SPEG: variants seen among roughly 807,000 people sequenced by gnomAD.
SPEG encodes striated muscle preferentially expressed protein kinase.
In SPEG, 114 loss-of-function variants were observed where a neutral mutation model predicts 300.4. That is an observed-to-expected ratio of 0.38 (90% CI 0.33 to 0.44). SPEG has a LOEUF of 0.44. Among genes scored for constraint, SPEG ranks in the 20% least tolerant of loss-of-function variants. SPEG has a pLI of 1.00. For synonymous variants in SPEG, 1,964 were observed against 2,018.9 expected, an observed-to-expected ratio of 0.97 and a Z score of 0.73; for missense variants, 4,201 against 4,586.2, an observed-to-expected ratio of 0.92 and a Z score of 2.43.
At chr2:219,453,426 G>A (rs1689924366) in intron 6 of SPEG, among the ~76,000 whole-genome samples, 1 of 152,236 alleles carries the variant, frequency 6.6e-6, no homozygotes. Flanking sequence ...TTAGTTGTTA[G>A]CGTTATTAAC....
rs777646411 is a variant in SPEG, at chr2:219,490,582, C to A, written c.9095C>A (p.Pro3032His). The change falls in exon 37 of 41, where the codon CCT becomes CAT. Residue 3032 changes from proline (P) to histidine (H), a missense_variant. Transcript: ENST00000312358. ...IMSLHEAYIT[P>H]RYLVLIAESC... The stretch of plus-strand genomic sequence containing the variant: ...TCCCTGCACGAGGCCTACATCACCC[C>A]TCGGTACCTCGTGCTCATTGCTGAG... The A allele has an allele frequency of 6.2e-7, 1 of 1,614,030 alleles. No homozygotes were observed. Among genetic ancestry groups the A allele is most frequent in the Non-Finnish European group, 8.5e-7 (1 of 1,179,908 alleles).
At position 219,481,344 on chromosome 2, in the gene SPEG, A is replaced by G; in HGVS notation, c.5410A>G (p.Thr1804Ala). 2.5e-6 allele frequency: 4 copies of G among 1,614,124 alleles called. No individual in the cohort carries two copies. Among genetic ancestry groups the G allele is most frequent in the Middle Eastern group, 1.6e-4 (1 of 6,062 alleles). The change falls in exon 27 of 41, where the codon ACA (threonine) becomes GCA (alanine). Residue 1804 changes from threonine to alanine, a missense_variant. Thr to Ala is a moderately conservative substitution (Grantham distance 58). Around this residue, in one of 4 missense-constraint regions of SPEG, gnomAD observed 1,047 missense variants for 1,356.8 expected, o/e 0.77. Transcript: ENST00000312358. This position sits in a 1 kb window ranked among gnomAD's most constrained non-coding sequence, Gnocchi z 5.4. ...CCCGTTTGTTGGGGAAAATGACCGG[A>G]CAACATTGATGAACATCCGAAACTA... Reference protein sequence around the residue: ...ISPFVGENDRTTLMNIRNYNV... With the variant: ...ISPFVGENDRATLMNIRNYNV...
In SPEG at chr2:219,439,997, G is replaced by A. The variant is rs1326120450; in HGVS notation, c.388+4632G>A. ...GTGCCCTCTCAGCACACGTCCCTGT[G>A]CATGTGTCTGTACTTGTAATTTGCT... On this transcript the variant is annotated intron_variant, in intron 1 of 40. Coordinates refer to ENST00000312358, the MANE Select transcript of SPEG (RefSeq NM_005876.5). This position sits in a 1 kb window ranked among gnomAD's most constrained non-coding sequence, Gnocchi z 4.5. Among the ~76,000 whole-genome samples, 2 of 152,164 alleles carry A rather than the reference G, an allele frequency of 1.3e-5. No individual in the cohort carries two copies. Among genetic ancestry groups the A allele is most frequent in the African/African-American group, 2.4e-5 (1 of 41,424 alleles).
Position 219,443,962 on chromosome 2 carries a change from C to T in SPEG, c.389-691C>T, listed in dbSNP as rs1368592013. Reference sequence around the variant, plus strand: ...CTTCTGTCTTGACTGCCCTCCATGCCCTGCCCCACAAACGCTCTGATAACA... The same window carrying T: ...CTTCTGTCTTGACTGCCCTCCATGCTCTGCCCCACAAACGCTCTGATAACA... On this transcript the variant is annotated intron_variant, in intron 1 of 40. Transcript: ENST00000312358. The surrounding 1 kb of genome is among the most constrained non-coding windows in gnomAD (Gnocchi z 4.6). The T allele has an allele frequency of 1.5e-6, 2 of 1,308,446 alleles. No individual in the cohort carries two copies. Among genetic ancestry groups the T allele is most frequent in the Non-Finnish European group, 1.0e-6 (1 of 978,924 alleles). 81.1% of individuals were successfully genotyped at this position (1,308,446 alleles called of 1,614,324 possible).
chr2:219,482,754 TC>T (rs1327749990), intron 28 of SPEG, 29 bp from the exon 29 acceptor site: 1 of 1,610,056 alleles, frequency 6.2e-7, no homozygotes. Context: ...TTGACAGCTT[TC>T]CCTCAAGCCC....
chr2:219,440,476 T>C (rs1019996527), intron 1 of SPEG, among the ~76,000 whole-genome samples: 6 of 149,382 alleles, frequency 4.0e-5, no homozygotes, highest in Non-Finnish European at 8.9e-5. Context: ...ATGAGGGAGG[T>C]GCGCTGAGCT....
In SPEG at chr2:219,488,917, T is replaced by TG; in HGVS notation, c.8149+19dup. 2 of 1,584,660 alleles carry TG rather than the reference T, an allele frequency of 1.3e-6. No homozygotes were observed. The highest frequency in any genetic ancestry group is 1.7e-6 in the Non-Finnish European group (2 of 1,165,608). ...GAGTGGATGGTGAGGATGGGGCAGC[T>TG]GGAGGGTTGGGGGAGCGGCAGGGGG... is the stretch of plus-strand genomic sequence containing the variant. On this transcript the variant is annotated intron_variant, in intron 34 of 40. Transcript: ENST00000312358.
intron 8 of SPEG, 151 bp downstream of exon 8, chr2:219,462,537 C>T (rs958264001): frequency 7.9e-6 from 5 of 632,838 alleles, no homozygotes; most frequent in Non-Finnish European, 1.4e-5. Context: ...AGTGTACTCC[C>T]CCCGGCACCC....
chr2:219,492,541 G>A (rs889576556), intron 40 of SPEG, 53 bp from the exon 41 acceptor site: 9 of 1,572,878 alleles, frequency 5.7e-6, no homozygotes, highest in East Asian at 4.5e-5. Context: ...ACAGAGCCCC[G>A]GCAGCTCCCA....
At chr2:219,436,395 C>T (rs942669394) in intron 1 of SPEG, among the ~76,000 whole-genome samples, 1 of 152,258 alleles carries the variant, frequency 6.6e-6, no homozygotes, top group Non-Finnish European at 1.5e-5. Context: ...GAGCCTTGGG[C>T]AGGCTGCGCC....
rs569803222 is a variant in SPEG at position 219,444,193 on chromosome 2, G to T, written c.389-460G>T. ...GGGTAGAGGACAGGCTGGCCCCGCG[G>T]TTGGTCGAGTGCCCTGGCAGTACGA... On this transcript the variant is annotated intron_variant, in intron 1 of 40. Transcript: ENST00000312358. This position sits in a 1 kb window ranked among gnomAD's most constrained non-coding sequence, Gnocchi z 7.8. 3.5e-6 allele frequency: 2 copies of T among 571,230 alleles called. No homozygotes were observed. Among genetic ancestry groups the T allele is most frequent in the African/African-American group, 3.8e-5 (2 of 52,224 alleles). The allele number at this position is 571,230 out of a possible 1,614,324, so 35.4% of individuals were successfully genotyped here. A position where few individuals can be genotyped will look rare whatever the true frequency, so the allele number is the denominator to read the frequency against.
rs1693173991 is a variant in SPEG at position 219,484,365 on chromosome 2, C to A, written c.6902C>A (p.Pro2301Gln). The A allele has an allele frequency of 6.2e-7, 1 of 1,607,102 alleles. No homozygotes were observed. Among genetic ancestry groups the A allele is most frequent in the Non-Finnish European group, 8.5e-7 (1 of 1,179,238 alleles). Residue 2301 changes from proline to glutamine, a missense_variant, in exon 30 of 41, where the codon CCG becomes CAG. By Grantham distance (76) the Pro-to-Gln change is moderately conservative (BLOSUM62 -1). Coordinates refer to ENST00000312358, the MANE Select transcript of SPEG (RefSeq NM_005876.5). ...CGCGTGCCCTCAGCCGGGGGTCCCC[C>A]GGTGCTAGCCGAGAAAGCCCGAGTT... is the stretch of plus-strand genomic sequence containing the variant. ...EKRVPSAGGP[P>Q]VLAEKARVPT...
In SPEG at chr2:219,484,758, G is replaced by A; in HGVS notation, c.7295G>A (p.Arg2432His). ...CAGCGCCACCCGGCCTGGGAGGCCCGCGGCGGGGACGGAGAGAGCTCGGAG... is the reference window on the plus strand; with the variant it reads ...CAGCGCCACCCGGCCTGGGAGGCCCACGGCGGGGACGGAGAGAGCTCGGAG... Reference protein sequence around the residue: ...PAQRHPAWEARGGDGESSEGG... With the variant: ...PAQRHPAWEAHGGDGESSEGG... The change falls in exon 30 of 41, where the codon CGC (arginine) becomes CAC (histidine). Residue 2432 changes from arginine to histidine, a missense_variant. By Grantham distance (29) the Arg-to-His change is conservative. Coordinates refer to ENST00000312358, the MANE Select transcript of SPEG (RefSeq NM_005876.5). The A allele has an allele frequency of 6.8e-7, 1 of 1,461,886 alleles. No individual in the cohort carries two copies. The highest frequency in any genetic ancestry group is 8.9e-7 in the Non-Finnish European group (1 of 1,118,918). The allele number at this position is 1,461,886 out of a possible 1,614,324, so 90.6% of individuals were successfully genotyped here.
chr2:219,448,079 G>C lies in SPEG; in HGVS notation c.921G>C (p.Ala307=). The C allele has an allele frequency of 1.2e-6, 2 of 1,608,352 alleles. No individual in the cohort carries two copies. Among genetic ancestry groups the C allele is most frequent in the Non-Finnish European group, 1.7e-6 (2 of 1,178,032 alleles). The change falls in exon 4 of 41, where the codon GCG becomes GCC. Residue 307 remains alanine, a synonymous_variant. Coordinates refer to ENST00000312358, the MANE Select transcript of SPEG (RefSeq NM_005876.5). Reference sequence around the variant, plus strand: ...CCCAGCCGCCTCCTTCCAAATCCGCGCTGCTCCCCCCACCGTCCCCTCGGG... The same window carrying C: ...CCCAGCCGCCTCCTTCCAAATCCGCCCTGCTCCCCCCACCGTCCCCTCGGG... ...RPAQPPPSKS[A]LLPPPSPRVG... is the part of the protein sequence containing the mutation.
In SPEG at chr2:219,444,713, G is replaced by C; in HGVS notation, c.449G>C (p.Arg150Pro). 6.2e-7 allele frequency: 1 copy of C among 1,613,990 alleles called. No homozygotes were observed. The highest frequency in any genetic ancestry group is 8.5e-7 in the Non-Finnish European group (1 of 1,179,948). The change falls in exon 2 of 41, where the codon CGG becomes CCG. Residue 150 changes from arginine (R) to proline (P), a missense_variant. Coordinates refer to ENST00000312358, the MANE Select transcript of SPEG (RefSeq NM_005876.5). The surrounding 1 kb of genome is among the most constrained non-coding windows in gnomAD (Gnocchi z 7.8). ...DVQGTQRLEL[R>P]DDGAFSTPTG... is the part of the protein sequence containing the mutation. The stretch of plus-strand genomic sequence containing the variant: ...CAGGGAACCCAGCGCCTGGAGCTTC[G>C]GGATGACGGGGCCTTCAGCACCCCC...
At position 219,472,950 on chromosome 2, in the gene SPEG, C is replaced by T. The variant is rs756162814; in HGVS notation, c.4001C>T (p.Ala1334Val). The change falls in exon 16 of 41, where the codon GCA (alanine) becomes GTA (valine). Residue 1334 changes from alanine (A) to valine (V), a missense_variant. Transcript: ENST00000312358. Reference sequence around the variant, plus strand: ...GTGCTGGGCTCGGACCAGTGGACGGCACTGGTCACAGGCCTGCGGGAGCCA... The same window carrying T: ...GTGCTGGGCTCGGACCAGTGGACGGTACTGGTCACAGGCCTGCGGGAGCCA... ...HQVLGSDQWT[A>V]LVTGLREPGW... The T allele has an allele frequency of 6.8e-6, 11 of 1,613,638 alleles. No homozygotes were observed. Among genetic ancestry groups the T allele is most frequent in the South Asian group, 6.6e-5 (6 of 91,070 alleles).
At position 219,483,390 on chromosome 2, in the gene SPEG, A is replaced by T; in HGVS notation, c.5927A>T (p.Gln1976Leu). Residue 1976 changes from glutamine (Q) to leucine (L), a missense_variant, in exon 30 of 41, where the codon CAG becomes CTG. Around this residue, in one of 4 missense-constraint regions of SPEG, gnomAD observed 1,578 missense variants for 1,506.0 expected, o/e 1.05. Transcript: ENST00000312358. ...GAATPMDWQE[Q>L]GRAPSQDQEA... is the part of the protein sequence containing the mutation. ...GCCACCCCCATGGACTGGCAGGAGC[A>T]GGGAAGGGCTCCCTCTCAGGACCAG... 6.3e-7 allele frequency: 1 copy of T among 1,598,018 alleles called. No individual in the cohort carries two copies. Among genetic ancestry groups the T allele is most frequent in the East Asian group, 2.2e-5 (1 of 44,490 alleles).
chr2:219,473,345 TG>T lies in SPEG; in HGVS notation c.4148-157del. On this transcript the variant is annotated intron_variant, in intron 16 of 40. Transcript: ENST00000312358. This position sits in a 1 kb window ranked among gnomAD's most constrained non-coding sequence, Gnocchi z 4.6. The stretch of plus-strand genomic sequence containing the variant: ...CCACAACCTCAGCTTTGCTGCTCTC[TG>T]GCTGTGTTCCCCTGACAAATCGCTA... 1.2e-6 allele frequency: 1 copy of T among 821,364 alleles called. No individual in the cohort carries two copies. Among genetic ancestry groups the T allele is most frequent in the Non-Finnish European group, 1.9e-6 (1 of 521,958 alleles). The allele number at this position is 821,364 out of a possible 1,614,324, so 50.9% of individuals were successfully genotyped here.
At position 219,451,120 on chromosome 2, in the gene SPEG, T is replaced by C; in HGVS notation, c.2114-16T>C. The C allele has an allele frequency of 6.2e-7, 1 of 1,602,602 alleles. No individual in the cohort carries two copies. The highest frequency in any genetic ancestry group is 8.5e-7 in the Non-Finnish European group (1 of 1,174,884). ...GGGATCATGGCCCCTTACCCCGTTATTCCTGTGTCCGGCAGAGTCTTCGGA... is the reference window on the plus strand; with the variant it reads ...GGGATCATGGCCCCTTACCCCGTTACTCCTGTGTCCGGCAGAGTCTTCGGA... On this transcript the variant is annotated splice_polypyrimidine_tract_variant and intron_variant, in intron 4 of 40. Coordinates refer to ENST00000312358, the MANE Select transcript of SPEG (RefSeq NM_005876.5). The surrounding 1 kb of genome is among the most constrained non-coding windows in gnomAD (Gnocchi z 6.4).
Sources: allele counts gnomAD v4.1 joint callset (sites outside exome capture counted in the v4.1 genomes callset), GRCh38; gene constraint gnomAD v4.1.1; regional missense constraint gnomAD v4.1.1; non-coding constraint Gnocchi (gnomAD v3.1); transcripts MANE v1.5; gene names NCBI Gene and HGNC (gene_info 2026-07-23, HGNC 2026-07-21).